Variants in SLC39A14 observed in about 807,000 individuals in gnomAD.
The protein encoded by SLC39A14 is metal cation symporter ZIP14.
In SLC39A14, 19 loss-of-function variants were observed where a neutral mutation model predicts 45.5. The ratio of observed to expected loss-of-function variants is 0.42; its 90% CI spans 0.29 to 0.61. The LOEUF is 0.61. Ranked by LOEUF, SLC39A14 falls within the 20% of genes least tolerant of loss-of-function variation. The pLI is 0.22. For synonymous variants in SLC39A14, 264 were observed against 251.3 expected, an observed-to-expected ratio of 1.05 and a Z score of -0.48; for missense variants, 447 against 616.5, an observed-to-expected ratio of 0.73 and a Z score of 2.91.
intron 1 of SLC39A14, among the ~76,000 whole-genome samples, chr8:22,396,149 C>T (rs1049926193): frequency 6.6e-6 from 1 of 151,786 alleles, no homozygotes; most frequent in African/African-American, 2.4e-5. Context: ...GGTGTGTCAC[C>T]TGAGGTCAGG....
At chr8:22,386,557 G>A (rs1476678617) in intron 1 of SLC39A14, among the ~76,000 whole-genome samples, 1 of 152,184 alleles carries the variant, frequency 6.6e-6, no homozygotes, top group East Asian at 1.9e-4. Flanking sequence ...GTAAGCCACC[G>A]TGCCCACCCC....
intron 7 of SLC39A14, among the ~76,000 whole-genome samples, chr8:22,416,879 T>C (rs1203255369): frequency 1.3e-5 from 2 of 152,104 alleles, no homozygotes; most frequent in South Asian, 2.1e-4. Context: ...TTTAGAATAA[T>C]AGTGAGGATT....
In SLC39A14 at chr8:22,392,088, G is replaced by A. The variant is rs547203911; in HGVS notation, c.-15-12608G>A. Among the ~76,000 whole-genome samples, 6 of 152,312 alleles carry A rather than the reference G, an allele frequency of 3.9e-5. No homozygotes were observed. In the South Asian group the frequency reaches 1.2e-3, roughly 32 times the overall value. ...ACAAATCTAGCTGGGGAGGCTCCCT[G>A]GGAAACAAGGTAATGAGGAGTCCAT... On this transcript the variant is annotated intron_variant, in intron 1 of 8. Coordinates refer to ENST00000381237, the MANE Select transcript of SLC39A14 (RefSeq NM_001128431.4).
chr8:22,423,335 GTTTTGT>G, downstream of SLC39A14, among the ~76,000 whole-genome samples: 1 of 128,846 alleles, frequency 7.8e-6, no homozygotes, highest in Non-Finnish European at 1.6e-5. Flanking sequence ...TGTTGTTGTT[GTTTTGT>G]TTTTTTTTTT....
intron 3 of SLC39A14, chr8:22,411,783 A>T: frequency 2.3e-6 from 1 of 440,538 alleles, no homozygotes; most frequent in Admixed American, 3.6e-5. Context: ...GCCACCTTGA[A>T]TTCCTCTTTC....
chr8:22,430,358 G>A (rs775048047), intron 8 of SLC39A14, among the ~76,000 whole-genome samples: 8 of 152,082 alleles, frequency 5.3e-5, no homozygotes, highest in Non-Finnish European at 8.8e-5. Context: ...GTGGGCCATC[G>A]CCCTTAGACC....
chr8:22,406,509 C>T (rs562047512), intron 2 of SLC39A14, among the ~76,000 whole-genome samples: 136 of 152,164 alleles, frequency 8.9e-4, no homozygotes, highest in African/African-American at 2.7e-3. Context: ...CTGGCTAACA[C>T]GGTGAAACTC....
In SLC39A14 at chr8:22,419,566, T is replaced by A. The variant is rs760219143; in HGVS notation, c.1347T>A (p.Asn449Lys). The change falls in exon 9 of 9, where the codon AAT becomes AAA. Residue 449 changes from asparagine to lysine, a missense_variant. By Grantham distance (94) the Asn-to-Lys change is moderately conservative. Coordinates refer to ENST00000381237, the MANE Select transcript of SLC39A14 (RefSeq NM_001128431.4). ...TTCTTTCCCAGTTCCCTGAGATGAA[T>A]GAGGTCTGTCAAGAGGATGAAAGGA... ...ISLADMFPEM[N>K]EVCQEDERKG... 1 of 1,612,566 alleles carries A rather than the reference T, an allele frequency of 6.2e-7. No individual in the cohort carries two copies. Among genetic ancestry groups the A allele is most frequent in the Non-Finnish European group, 8.5e-7 (1 of 1,179,552 alleles).
At chr8:22,374,749 T>C (rs1393586716) in intron 1 of SLC39A14, among the ~76,000 whole-genome samples, 1 of 145,716 alleles carries the variant, frequency 6.9e-6, no homozygotes, top group Non-Finnish European at 1.5e-5. Context: ...TCTTTTTTTT[T>C]TTTTTTTTTT....
Position 22,370,150 on chromosome 8 carries a change from T to TTG in SLC39A14, c.-16+2755_-16+2756dup, listed in dbSNP as rs143567117. Among the ~76,000 whole-genome samples the TTG allele has an allele frequency of 1.4e-3, 213 of 151,934 alleles. 2 individuals carry two copies. The highest frequency in any genetic ancestry group is 2.6e-3 in the Non-Finnish European group (178 of 67,910). ...GTGTGCCTGGGTGGTGGGTGTGTGC[T>TTG]TGTGTGTGTGTGTGCACATCTGTGC... On this transcript the variant is annotated intron_variant, in intron 1 of 8. Coordinates refer to ENST00000381237, the MANE Select transcript of SLC39A14 (RefSeq NM_001128431.4).
chr8:22,381,434 CTAATGTT>C (rs1241660834), intron 1 of SLC39A14, among the ~76,000 whole-genome samples: 1 of 151,650 alleles, frequency 6.6e-6, no homozygotes, highest in African/African-American at 2.4e-5. Context: ...CCAGGCCTGG[CTAATGTT>C]TTGTATTTTT....
intron 1 of SLC39A14, among the ~76,000 whole-genome samples, chr8:22,390,449 G>A (rs1834007701): frequency 1.3e-5 from 2 of 151,958 alleles, no homozygotes; most frequent in Admixed American, 6.6e-5. Context: ...GGGACTACAG[G>A]CACACACAAC....
intron 1 of SLC39A14, chr8:22,393,187 A>T: frequency 1.0e-6 from 1 of 985,628 alleles, no homozygotes. Context: ...CTTGAGGCGA[A>T]GGTCCTGGGA....
intron 1 of SLC39A14, among the ~76,000 whole-genome samples, chr8:22,378,639 T>G (rs1055763382): frequency 3.9e-5 from 6 of 152,236 alleles, no homozygotes; most frequent in Admixed American, 3.3e-4. Context: ...GGAGCCATCC[T>G]TGTAAGGGCT....
At chr8:22,386,267 CTT>C (rs113517662) in intron 1 of SLC39A14, among the ~76,000 whole-genome samples, 29 of 131,890 alleles carry the variant, frequency 2.2e-4, no homozygotes, top group Non-Finnish European at 1.8e-4. Flanking sequence ...AGAAGGATGA[CTT>C]TTTTTTTTTT....
At chr8:22,403,678 G>A (rs1019548930) in intron 1 of SLC39A14, among the ~76,000 whole-genome samples, 5 of 151,790 alleles carry the variant, frequency 3.3e-5, no homozygotes, top group Admixed American at 3.3e-4. Context: ...CAGCAGTTTG[G>A]GAGGCCGAGG....
rs1039778197 is a variant in SLC39A14 at position 22,415,760 on chromosome 8, C to T, written c.751-9C>T. 3.7e-6 allele frequency: 6 copies of T among 1,606,574 alleles called. No homozygotes were observed. The highest frequency in any genetic ancestry group is 1.8e-5 in the Admixed American group (1 of 57,090). On this transcript the variant is annotated splice_polypyrimidine_tract_variant and intron_variant, in intron 5 of 8. Coordinates refer to ENST00000381237, the MANE Select transcript of SLC39A14 (RefSeq NM_001128431.4). ...ATGTCATGCTGATCCCTCCCTGTCACCCTTCCAGCATCATCATGGACACAG... is the reference window on the plus strand; with the variant it reads ...ATGTCATGCTGATCCCTCCCTGTCATCCTTCCAGCATCATCATGGACACAG...
intron 4 of SLC39A14, among the ~76,000 whole-genome samples, chr8:22,413,285 C>G (rs1265558446): frequency 6.6e-6 from 1 of 152,130 alleles, no homozygotes; most frequent in East Asian, 1.9e-4. Context: ...CAGTTGGCTC[C>G]CTCCTAGTGG....
intron 1 of SLC39A14, among the ~76,000 whole-genome samples, chr8:22,402,557 G>C (rs1834937845): frequency 1.3e-5 from 2 of 151,950 alleles, no homozygotes; most frequent in Non-Finnish European, 2.9e-5. Flanking sequence ...ATCATCTGAG[G>C]TCAGCAGTTC....
Sources: allele counts gnomAD v4.1 joint callset (sites outside exome capture counted in the v4.1 genomes callset), GRCh38; gene constraint gnomAD v4.1.1; transcripts MANE v1.5; gene names NCBI Gene and HGNC (gene_info 2026-07-23, HGNC 2026-07-21).